Variants in PHLDB2 observed in about 807,000 individuals in gnomAD.
PHLDB2 encodes pleckstrin homology-like domain family B member 2.
PHLDB2 carries 71 observed loss-of-function variants against 123.6 expected under a neutral mutation model. That is an observed-to-expected ratio of 0.57 (90% confidence interval 0.47 to 0.70). PHLDB2 has a LOEUF of 0.70. PHLDB2 is among the 30% of genes least tolerant of loss of function. The probability of loss-of-function intolerance (pLI) is 0.00; values close to 1 mark genes in which losing one functional copy is unlikely to be tolerated. For synonymous variants in PHLDB2, 547 were observed against 541.6 expected, an observed-to-expected ratio of 1.01 and a Z score of -0.14; for missense variants, 1,446 against 1,519.5, an observed-to-expected ratio of 0.95 and a Z score of 0.80.
At chr3:111,774,562 G>A (rs897004396) in intron 1 of PHLDB2, among the ~76,000 whole-genome samples, 1 of 152,150 alleles carries the variant, frequency 6.6e-6, no homozygotes, top group African/African-American at 2.4e-5. Flanking sequence ...GCACCACTGG[G>A]GCTTGGAGTG....
chr3:111,967,063 A>G (rs1296070732), intron 14 of PHLDB2, among the ~76,000 whole-genome samples: 1 of 151,358 alleles, frequency 6.6e-6, no homozygotes, highest in Non-Finnish European at 1.5e-5. Context: ...TTTATGCATT[A>G]TTTCTTCCTT....
intron 1 of PHLDB2, among the ~76,000 whole-genome samples, chr3:111,759,273 G>A (rs560707511): frequency 7.2e-5 from 11 of 152,250 alleles, no homozygotes; most frequent in Admixed American, 4.6e-4. Flanking sequence ...GGTATCAAGT[G>A]GGGATCCACT....
chr3:111,787,366 G>A (rs998001965), intron 1 of PHLDB2, among the ~76,000 whole-genome samples: 1 of 152,196 alleles, frequency 6.6e-6, no homozygotes, highest in African/African-American at 2.4e-5. Flanking sequence ...TTAGAGAACA[G>A]TTAACTTTAA....
At chr3:111,898,768 C>T (rs1159867121) in intron 2 of PHLDB2, among the ~76,000 whole-genome samples, 2 of 152,210 alleles carry the variant, frequency 1.3e-5, no homozygotes. Context: ...CCATATGAAG[C>T]AATTCCTCAT....
chr3:111,828,219 G>A (rs1303100607), intron 1 of PHLDB2, among the ~76,000 whole-genome samples: 2 of 152,174 alleles, frequency 1.3e-5, no homozygotes, highest in Admixed American at 1.3e-4. Flanking sequence ...AACTGGGAGA[G>A]AAAGGCCAAG....
At chr3:111,831,119 C>T (rs1383142947) in intron 1 of PHLDB2, among the ~76,000 whole-genome samples, 1 of 151,320 alleles carries the variant, frequency 6.6e-6, no homozygotes, top group East Asian at 1.9e-4. Context: ...TTTAAAAATC[C>T]CTACCTATAC....
rs114892646 is a variant in PHLDB2 at position 111,747,683 on chromosome 3, A to G, written c.-49+14980A>G. 4.5e-3 allele frequency among the ~76,000 whole-genome samples: 686 copies of G among 152,346 alleles called. 3 individuals are homozygous for G. The highest frequency in any genetic ancestry group is 0.015 in the African/African-American group (616 of 41,582). On this transcript the variant is annotated intron_variant, in intron 1 of 17. Coordinates refer to the PHLDB2 transcript ENST00000393923. ...CCCGCAGGGAAGGGAACATGAGGAT[A>G]CACTGAGCTGTGTGTTTGCCTACAA... is the stretch of plus-strand genomic sequence containing the variant.
intron 2 of PHLDB2, among the ~76,000 whole-genome samples, chr3:111,900,285 C>T (rs911626101): frequency 6.6e-6 from 1 of 152,218 alleles, no homozygotes; most frequent in Admixed American, 6.5e-5. Flanking sequence ...TTTGCATTTA[C>T]AACTTGGCTA....
intron 16 of PHLDB2, among the ~76,000 whole-genome samples, chr3:111,973,157 G>A (rs1355831040): frequency 2.6e-5 from 4 of 152,172 alleles, no homozygotes; most frequent in Non-Finnish European, 5.9e-5. Flanking sequence ...TATGGTAAAT[G>A]TGATGAAATC....
chr3:111,845,821 G>T lies in PHLDB2; in HGVS notation c.-48G>T, dbSNP rs749638648. 2.5e-6 allele frequency: 4 copies of T among 1,613,930 alleles called. No homozygotes were observed. In the East Asian group the frequency reaches 8.9e-5, roughly 36 times the overall value. ...ACCTCTCTTTTCTTGCTGTGTGCAG[G>T]CTGGCACTGATCCCAGTTTATCCTT... On this transcript the variant is annotated splice_region_variant and 5_prime_UTR_variant, in exon 2 of 18. Coordinates refer to the PHLDB2 transcript ENST00000393923.
chr3:111,943,188 A>C (rs188179102), intron 8 of PHLDB2, among the ~76,000 whole-genome samples: 2 of 152,328 alleles, frequency 1.3e-5, no homozygotes, highest in East Asian at 3.9e-4. Flanking sequence ...ATACAAATAC[A>C]TGTATATTAA....
chr3:111,771,572 C>T (rs2060177873), intron 1 of PHLDB2, among the ~76,000 whole-genome samples: 1 of 152,088 alleles, frequency 6.6e-6, no homozygotes, highest in South Asian at 2.1e-4. Flanking sequence ...AACTCCTGGC[C>T]TCAAGTAGTC....
chr3:111,968,851 G>A (rs2071982205), intron 15 of PHLDB2, among the ~76,000 whole-genome samples: 3 of 152,130 alleles, frequency 2.0e-5, no homozygotes, highest in Non-Finnish European at 2.9e-5. Flanking sequence ...ACTATCTGAA[G>A]CCAAACCAAA....
chr3:111,922,725 T>C (rs1423880118), intron 5 of PHLDB2, among the ~76,000 whole-genome samples: 6 of 152,188 alleles, frequency 3.9e-5, no homozygotes, highest in Non-Finnish European at 7.3e-5. Flanking sequence ...TTATTATGTT[T>C]CTCAAATAAA....
At chr3:111,814,331 C>G (rs982025707) in intron 1 of PHLDB2, among the ~76,000 whole-genome samples, 21 of 151,994 alleles carry the variant, frequency 1.4e-4, no homozygotes, top group African/African-American at 4.6e-4. Flanking sequence ...AGCCTCCCAG[C>G]CTACATCTTT....
intron 9 of PHLDB2, among the ~76,000 whole-genome samples, chr3:111,945,641 T>G (rs1005898383): frequency 3.3e-5 from 5 of 152,090 alleles, no homozygotes; most frequent in Non-Finnish European, 7.4e-5. Context: ...AATCTGGGGT[T>G]TCAAAAACTT....
intron 1 of PHLDB2, among the ~76,000 whole-genome samples, chr3:111,745,223 C>T (rs2059662823): frequency 6.6e-6 from 1 of 152,108 alleles, no homozygotes; most frequent in Admixed American, 6.5e-5. Flanking sequence ...AATTAATAGA[C>T]TGGAAAATTA....
At chr3:111,935,734 C>T (rs2069449722) in intron 6 of PHLDB2, among the ~76,000 whole-genome samples, 1 of 148,652 alleles carries the variant, frequency 6.7e-6, no homozygotes, top group South Asian at 2.2e-4. Flanking sequence ...AGTCTTTTCA[C>T]GTTGTTTCTT....
chr3:111,817,269 G>A (rs572215946), intron 1 of PHLDB2, among the ~76,000 whole-genome samples: 1 of 152,204 alleles, frequency 6.6e-6, no homozygotes, highest in African/African-American at 2.4e-5. Context: ...TGCAACTCTG[G>A]GGATCAAATT....
Sources: allele counts gnomAD v4.1 joint callset (sites outside exome capture counted in the v4.1 genomes callset), GRCh38; gene constraint gnomAD v4.1.1; transcripts MANE v1.5; gene names NCBI Gene and HGNC (gene_info 2026-07-23, HGNC 2026-07-21).